The following RELN variants were observed in gnomAD, a reference collection of about 807,000 sequenced individuals.
RELN encodes the protein reelin.
A neutral mutation model predicts 427.6 loss-of-function variants in RELN; 108 were observed. That is an observed-to-expected ratio of 0.25 (90% CI 0.22 to 0.30). The LOEUF (loss-of-function observed/expected upper bound fraction) is 0.30. Ranked by LOEUF, RELN falls within the 10% of genes least tolerant of loss-of-function variation. RELN has a pLI of 1.00. For missense variants in RELN, 3,715 were observed against 4,302.8 expected (o/e 0.86, Z 3.82); for synonymous variants, 1,524 against 1,513.4 (o/e 1.01, Z -0.16).
intron 2 of RELN, among the ~76,000 whole-genome samples, chr7:103,863,697 C>A (rs1794125615): frequency 6.6e-6 from 1 of 152,106 alleles, no homozygotes; most frequent in Non-Finnish European, 1.5e-5. Context: ...TAACCTAAAT[C>A]TCCTCTGAGA....
At chr7:103,596,777 C>T in intron 24 of RELN, 116 bp from the exon 25 acceptor site, 2 of 891,948 alleles carry the variant, frequency 2.2e-6, no homozygotes, top group Non-Finnish European at 3.6e-6. Flanking sequence ...GTCTCGTCCC[C>T]ATTTATTGTG....
At chr7:103,698,693 T>C (rs1190792605) in intron 9 of RELN, among the ~76,000 whole-genome samples, 1 of 152,038 alleles carries the variant, frequency 6.6e-6, no homozygotes, top group Non-Finnish European at 1.5e-5. Context: ...TTATTTTTAT[T>C]TTTGTTGAAA....
intron 3 of RELN, among the ~76,000 whole-genome samples, chr7:103,821,924 A>C (rs886102291): frequency 6.6e-6 from 1 of 152,158 alleles, no homozygotes; most frequent in Non-Finnish European, 1.5e-5. Flanking sequence ...GTGGAAATAC[A>C]TGGAGGAGAT....
chr7:103,515,274 G>T lies in RELN; in HGVS notation c.8030C>A (p.Ala2677Asp). 2 of 1,614,206 alleles carry T rather than the reference G, an allele frequency of 1.2e-6. No individual in the cohort carries two copies. The highest frequency in any genetic ancestry group is 1.7e-6 in the Non-Finnish European group (2 of 1,180,028). ...GGAGCGCTCATGCTGGGGTACTGGG[G>T]CGCTGCTGAAGGTGTCCAGCATAAC... ...RTVMLDTFSS[A>D]PVPQHERSPA... The change falls in exon 50 of 65, where the codon GCC becomes GAC. Residue 2677 changes from alanine (A) to aspartate (D), a missense_variant. Around this residue, in one of 4 missense-constraint regions of RELN, gnomAD observed 1,310 missense variants for 1,643.0 expected, o/e 0.80. Transcript: ENST00000428762.
At chr7:103,849,903 G>T (rs1036208064) in intron 2 of RELN, among the ~76,000 whole-genome samples, 1 of 152,104 alleles carries the variant, frequency 6.6e-6, no homozygotes, top group Admixed American at 6.6e-5. Context: ...CTCTGTTATG[G>T]CAAAACTCCT....
At chr7:103,839,517 A>ATAG (rs1264932909) in intron 2 of RELN, among the ~76,000 whole-genome samples, 1 of 152,136 alleles carries the variant, frequency 6.6e-6, no homozygotes, top group African/African-American at 2.4e-5. Context: ...TATAAAAGAA[A>ATAG]TAGAGAACAT....
chr7:103,813,873 TTTTTC>T (rs781079435), intron 3 of RELN, among the ~76,000 whole-genome samples: 3 of 152,146 alleles, frequency 2.0e-5, no homozygotes, highest in East Asian at 1.9e-4. Context: ...TTATTTAAAG[TTTTTC>T]TTTTCTTTTC....
intron 2 of RELN, among the ~76,000 whole-genome samples, chr7:103,898,597 G>A (rs1416949895): frequency 6.6e-6 from 1 of 151,998 alleles, no homozygotes; most frequent in Non-Finnish European, 1.5e-5. Flanking sequence ...TGCCACTATT[G>A]AGTGTGCGTA....
intron 2 of RELN, among the ~76,000 whole-genome samples, chr7:103,911,355 C>T (rs1795361616): frequency 6.7e-6 from 1 of 149,486 alleles, no homozygotes; most frequent in African/African-American, 2.5e-5. Flanking sequence ...CAGGAAACAA[C>T]AGGTGCTGGA....
intron 2 of RELN, among the ~76,000 whole-genome samples, chr7:103,907,883 G>A (rs1229367999): frequency 2.0e-5 from 3 of 151,746 alleles, no homozygotes; most frequent in African/African-American, 4.8e-5. Context: ...TTTGCTGCAC[G>A]CATCAACCCG....
At chr7:103,667,802 A>G (rs1222137017) in intron 11 of RELN, among the ~76,000 whole-genome samples, 2 of 152,248 alleles carry the variant, frequency 1.3e-5, no homozygotes, top group Admixed American at 1.3e-4. Context: ...TGCTTACTTT[A>G]GAATTAGTTA....
At chr7:103,942,594 G>A (rs1490354329) in intron 1 of RELN, among the ~76,000 whole-genome samples, 2 of 152,146 alleles carry the variant, frequency 1.3e-5, no homozygotes, top group Non-Finnish European at 2.9e-5. Flanking sequence ...GGAAGACCCA[G>A]GGAAGATGGA....
At chr7:103,598,732 G>A (rs902612348) in intron 24 of RELN, among the ~76,000 whole-genome samples, 2 of 152,120 alleles carry the variant, frequency 1.3e-5, no homozygotes, top group African/African-American at 4.8e-5. Context: ...TTTTCCTAGA[G>A]AATAGCACAA....
intron 6 of RELN, among the ~76,000 whole-genome samples, chr7:103,730,459 C>A (rs997895833): frequency 2.6e-5 from 4 of 151,676 alleles, no homozygotes; most frequent in Non-Finnish European, 5.9e-5. Flanking sequence ...TGGAGAATCA[C>A]TTCTATGTGG....
At position 103,495,856 on chromosome 7, in the gene RELN, G is replaced by A. The variant is rs2117018727; in HGVS notation, c.9236C>T (p.Ala3079Val). The change falls in exon 57 of 65, where the codon GCT becomes GTT. Residue 3079 changes from alanine to valine, a missense_variant. Physicochemically the swap from Ala to Val is moderately conservative, Grantham distance 64 (BLOSUM62 0). Around this residue, in one of 4 missense-constraint regions of RELN, gnomAD observed 1,310 missense variants for 1,643.0 expected, o/e 0.80. Coordinates refer to ENST00000428762, the MANE Select transcript of RELN (RefSeq NM_005045.4). ...HEENWSFYPN[A>V]VRTAGFCGNP... ...GCCACAAAATCCTGCTGTCCTTACA[G>A]CATTAGGGTAAAAACTCCAGTTTTC... The A allele has an allele frequency of 6.2e-7, 1 of 1,613,756 alleles. No homozygotes were observed. Among genetic ancestry groups the A allele is most frequent in the Non-Finnish European group, 8.5e-7 (1 of 1,179,880 alleles).
At chr7:103,895,418 C>G (rs1337242608) in intron 2 of RELN, among the ~76,000 whole-genome samples, 1 of 152,146 alleles carries the variant, frequency 6.6e-6, no homozygotes, top group East Asian at 1.9e-4. Flanking sequence ...AGTTTACCAT[C>G]TGTTTGGTTT....
intron 19 of RELN, among the ~76,000 whole-genome samples, chr7:103,630,866 T>G (rs961749854): frequency 3.5e-5 from 5 of 144,182 alleles, no homozygotes; most frequent in African/African-American, 7.5e-5. Context: ...TTTTGTTTTT[T>G]TTTTTTTTGT....
chr7:103,832,678 A>G (rs142983730), intron 3 of RELN, among the ~76,000 whole-genome samples: 15 of 152,264 alleles, frequency 9.9e-5, no homozygotes, highest in Admixed American at 3.3e-4. Flanking sequence ...CCTTGGAACC[A>G]TAGTGTAGTG....
rs569422238 is a variant in RELN at position 103,533,557 on chromosome 7, T to C, written c.7349+1759A>G. Among the ~76,000 whole-genome samples, 4 of 152,266 alleles carry C rather than the reference T, an allele frequency of 2.6e-5. No homozygotes were observed. In the South Asian group the frequency reaches 8.3e-4, roughly 32 times the overall value. ...TCTTTCTGAATTACCCAAAGGGCCT[T>C]GTTACAAGGCAGTGTCACCTTTAAG... On this transcript the variant is annotated intron_variant, in intron 46 of 64. Coordinates refer to ENST00000428762, the MANE Select transcript of RELN (RefSeq NM_005045.4).
Sources: gnomAD v4.1 joint callset for allele counts (sites outside exome capture counted in the v4.1 genomes callset) on GRCh38, gnomAD v4.1.1 for gene constraint, gnomAD v4.1.1 regional missense constraint, MANE v1.5 for transcripts, NCBI Gene and HGNC (gene_info 2026-07-23, HGNC 2026-07-21) for gene names.